The following AGBL1 variants were observed in gnomAD, a reference collection of about 807,000 sequenced individuals.
AGBL1 encodes the protein cytosolic carboxypeptidase 4.
AGBL1 carries 130 observed loss-of-function variants against 118.9 expected under a neutral mutation model. The ratio of observed to expected loss-of-function variants is 1.09; its 90% CI spans 0.95 to 1.26. The LOEUF is 1.26. Ranked by LOEUF, AGBL1 falls within the 50% of genes most tolerant of loss-of-function variation. The probability of loss-of-function intolerance (pLI) is 0.00; values close to 1 mark genes in which losing one functional copy is unlikely to be tolerated. For missense variants in AGBL1, 1,584 were observed against 1,298.1 expected (o/e 1.22, Z -3.38); for synonymous variants, 555 against 478.9 (o/e 1.16, Z -2.08).
intron 18 of AGBL1, among the ~76,000 whole-genome samples, chr15:86,418,723 C>T (rs1485309600): frequency 1.3e-5 from 2 of 152,154 alleles, no homozygotes; most frequent in Non-Finnish European, 2.9e-5. Context: ...CAGCTCCTGA[C>T]TTAGGATGAT....
chr15:86,788,531 A>G lies in AGBL1; in HGVS notation c.3158+114095A>G, dbSNP rs558554052. 3.9e-5 allele frequency among the ~76,000 whole-genome samples: 6 copies of G among 152,330 alleles called. No individual in the cohort carries two copies. The South Asian group carries it at 1.0e-3, about 26-fold the overall frequency. On this transcript the variant is annotated intron_variant, in intron 22 of 22. Transcript: ENST00000614907. ...GTAAAATACTTATAGAACATCTACT[A>G]TGGGGTCTAGGGATATAGCAGTGAA...
chr15:86,249,440 A>T (rs577057127), intron 7 of AGBL1, among the ~76,000 whole-genome samples: 1 of 152,186 alleles, frequency 6.6e-6, no homozygotes, highest in African/African-American at 2.4e-5. Flanking sequence ...CTGCAAACCA[A>T]TATCTAACTC....
chr15:86,126,804 T>A (rs1898462304), intron 1 of AGBL1, among the ~76,000 whole-genome samples: 1 of 152,220 alleles, frequency 6.6e-6, no homozygotes, highest in Admixed American at 6.5e-5. Flanking sequence ...GCGCTGTGGT[T>A]ATAATTGATA....
chr15:86,415,059 T>C (rs1425233609), intron 18 of AGBL1, among the ~76,000 whole-genome samples: 1 of 152,182 alleles, frequency 6.6e-6, no homozygotes, highest in African/African-American at 2.4e-5. Flanking sequence ...TGAATTGTGA[T>C]GCATTTGCTA....
intron 22 of AGBL1, among the ~76,000 whole-genome samples, chr15:86,806,354 G>A (rs1055487156): frequency 2.0e-5 from 3 of 152,138 alleles, no homozygotes; most frequent in Admixed American, 1.3e-4. Context: ...TATGACCTGG[G>A]AGAGAAAAAT....
In AGBL1 at chr15:86,438,015, C is replaced by T. The variant is rs367974268; in HGVS notation, c.2555+40469C>T. On this transcript the variant is annotated intron_variant, in intron 18 of 22. Coordinates refer to ENST00000614907, the MANE Select transcript of AGBL1 (RefSeq NM_001386094.1). ...TTGCCTCCCAGGTTCAAGCGATTCT[C>T]CTGCCTCAGCCTCCAGAGTAGCTGG... 7.9e-5 allele frequency among the ~76,000 whole-genome samples: 12 copies of T among 152,272 alleles called. No individual in the cohort carries two copies. The East Asian group carries it at 1.2e-3, about 15-fold the overall frequency.
At chr15:86,092,800 A>G (rs1896119845) in intron 1 of AGBL1, among the ~76,000 whole-genome samples, 1 of 152,154 alleles carries the variant, frequency 6.6e-6, no homozygotes, top group South Asian at 2.1e-4. Context: ...TGAGAGCAAG[A>G]GAGGGTCAAA....
chr15:86,797,709 A>C (rs1185446830), intron 22 of AGBL1, among the ~76,000 whole-genome samples: 1 of 152,174 alleles, frequency 6.6e-6, no homozygotes, highest in Non-Finnish European at 1.5e-5. Flanking sequence ...CCTTCAAGTT[A>C]AGAGTTTTGT....
intron 5 of AGBL1, among the ~76,000 whole-genome samples, chr15:86,181,421 T>C (rs183772442): frequency 2.0e-5 from 3 of 152,160 alleles, no homozygotes; most frequent in Admixed American, 1.3e-4. Flanking sequence ...AAAAAGTATA[T>C]ACTGTATTAT....
intron 16 of AGBL1, among the ~76,000 whole-genome samples, chr15:86,287,398 C>T (rs1956044351): frequency 6.6e-6 from 1 of 151,980 alleles, no homozygotes; most frequent in Non-Finnish European, 1.5e-5. Context: ...TGTCTGTGCT[C>T]TTGGGGTCAT....
chr15:86,527,612 C>T (rs901869651), intron 19 of AGBL1, among the ~76,000 whole-genome samples: 1 of 152,104 alleles, frequency 6.6e-6, no homozygotes, highest in African/African-American at 2.4e-5. Context: ...ATTTCCACTG[C>T]GACGAGATTA....
chr15:86,435,779 A>C (rs1372054848), intron 18 of AGBL1, among the ~76,000 whole-genome samples: 1 of 152,212 alleles, frequency 6.6e-6, no homozygotes, highest in African/African-American at 2.4e-5. Context: ...AAAGTCGTGA[A>C]GATAATAGAA....
intron 21 of AGBL1, among the ~76,000 whole-genome samples, chr15:86,632,283 A>G (rs72762041): frequency 0.24 from 35,694 of 149,542 alleles, 5,024 homozygotes; most frequent in East Asian, 0.43. Context: ...TTAAAAAAAA[A>G]AAAAAAAAAG....
Position 86,911,401 on chromosome 15 carries a change from A to C in AGBL1, c.*4107A>C, listed in dbSNP as rs2080349029. The C allele has an allele frequency of 6.6e-6, 1 of 151,906 alleles. No homozygotes were observed. The highest frequency in any genetic ancestry group is 2.4e-5 in the African/African-American group (1 of 41,260). 9.4% of individuals were successfully genotyped at this position (151,906 alleles called of 1,614,324 possible). On this transcript the variant is annotated 3_prime_UTR_variant, in exon 23 of 23. Coordinates refer to ENST00000614907, the MANE Select transcript of AGBL1 (RefSeq NM_001386094.1). ...GAGCCCTCAAGGGTGGAAACTACTG[A>C]CCCCTTCGTAACACTTCCCTCTGGC...
rs1438041678 is a variant in AGBL1, at chr15:86,397,449, T to C, written c.2458T>C (p.Phe820Leu). Residue 820 changes from phenylalanine (F) to leucine (L), a missense_variant, in exon 18 of 23, where the codon TTC becomes CTC. By Grantham distance (22) the Phe-to-Leu change is conservative. Transcript: ENST00000614907. Reference protein sequence around the residue: ...ASWVMKGTLEFLVSSDPVARL... With the variant: ...ASWVMKGTLELLVSSDPVARL... ...TTGGGTGATGAAGGGTACCTTGGAG[T>C]TCCTGGTCAGCAGTGACCCTGTGGC... is the stretch of plus-strand genomic sequence containing the variant. The C allele has an allele frequency of 6.2e-7, 1 of 1,612,930 alleles. No homozygotes were observed. The highest frequency in any genetic ancestry group is 1.7e-5 in the Admixed American group (1 of 59,922).
intron 17 of AGBL1, among the ~76,000 whole-genome samples, chr15:86,395,030 TATC>T (rs2141986791): frequency 6.6e-6 from 1 of 152,262 alleles, no homozygotes; most frequent in African/African-American, 2.4e-5. Flanking sequence ...ATGTATGTAA[TATC>T]ATAAGCACTT....
At chr15:86,716,809 G>T (rs531006136) in intron 22 of AGBL1, among the ~76,000 whole-genome samples, 29 of 152,304 alleles carry the variant, frequency 1.9e-4, no homozygotes, top group African/African-American at 6.7e-4. Context: ...GACCTCATAG[G>T]TAGATTGGGA....
At chr15:86,706,284 A>C (rs1330878044) in intron 22 of AGBL1, among the ~76,000 whole-genome samples, 4 of 152,070 alleles carry the variant, frequency 2.6e-5, no homozygotes, top group Non-Finnish European at 4.4e-5. Flanking sequence ...AAAAATCCCA[A>C]GGGGTTTTTA....
intron 17 of AGBL1, among the ~76,000 whole-genome samples, chr15:86,353,511 C>T (rs778763573): frequency 2.4e-4 from 37 of 152,162 alleles, no homozygotes; most frequent in Non-Finnish European, 4.6e-4. Context: ...GTGGAAGGTC[C>T]TGCCTTTCCA....
Sources: gnomAD v4.1 joint callset for allele counts (sites outside exome capture counted in the v4.1 genomes callset) on GRCh38, gnomAD v4.1.1 for gene constraint, MANE v1.5 for transcripts, NCBI Gene and HGNC (gene_info 2026-07-23, HGNC 2026-07-21) for gene names.